Variants in MRAP2 observed in about 807,000 individuals in gnomAD.
MRAP2 encodes melanocortin-2 receptor accessory protein 2.
Under a neutral mutation model 17.4 loss-of-function variants are expected in MRAP2, and 20 were observed. The ratio of observed to expected loss-of-function variants is 1.15; its 90% CI spans 0.81 to 1.67. MRAP2 has a LOEUF of 1.67. Ranked by LOEUF, MRAP2 falls within the 40% of genes most tolerant of loss-of-function variation. The pLI, the probability that MRAP2 is intolerant of heterozygous loss-of-function variation, is 0.00. For missense variants in MRAP2, 238 were observed against 240.0 expected, an observed-to-expected ratio of 0.99 and a Z score of 0.05; for synonymous variants, 96 against 88.4, an observed-to-expected ratio of 1.09 and a Z score of -0.48.
the MRAP2 span, among the ~76,000 whole-genome samples, chr6:84,100,716 A>G: frequency 1.3e-5 from 2 of 152,202 alleles, no homozygotes; most frequent in Non-Finnish European, 2.9e-5. Context: ...CTCTCTTCAC[A>G]CTTCATAACA....
downstream of MRAP2, among the ~76,000 whole-genome samples, chr6:84,091,778 A>G (rs2099501823): frequency 6.6e-6 from 1 of 152,190 alleles, no homozygotes; most frequent in Non-Finnish European, 1.5e-5. Context: ...TCAGCTTGCC[A>G]TAGTCTCATG....
the MRAP2 span, among the ~76,000 whole-genome samples, chr6:84,134,521 G>A: frequency 1.3e-5 from 2 of 152,184 alleles, no homozygotes; most frequent in East Asian, 3.9e-4. Flanking sequence ...CGAAGACCTT[G>A]GGAAAAGCAT....
chr6:84,038,407 A>T (rs1429202129), intron 1 of MRAP2, among the ~76,000 whole-genome samples: 1 of 152,190 alleles, frequency 6.6e-6, no homozygotes, highest in African/African-American at 2.4e-5. Context: ...AATAGGGCAG[A>T]TTTGTGTTAT....
At chr6:84,105,583 T>A in the MRAP2 span, among the ~76,000 whole-genome samples, 29 of 152,080 alleles carry the variant, frequency 1.9e-4, no homozygotes, top group Non-Finnish European at 4.3e-4. Flanking sequence ...TTGGGTGGGG[T>A]CACAGCCAAA....
the MRAP2 span, among the ~76,000 whole-genome samples, chr6:84,138,435 G>T: frequency 9.9e-5 from 15 of 152,172 alleles, no homozygotes; most frequent in African/African-American, 2.9e-4. Flanking sequence ...CCACCACCCT[G>T]AGAGGAAATG....
intron 1 of MRAP2, among the ~76,000 whole-genome samples, chr6:84,050,260 C>G (rs1289889273): frequency 1.3e-5 from 2 of 152,126 alleles, no homozygotes. Context: ...TTCACGCAGA[C>G]TCTATAAAAA....
At chr6:84,033,703 C>G (rs993587573), upstream of MRAP2, 7 of 985,172 alleles carry the variant, frequency 7.1e-6, no homozygotes, top group East Asian at 4.5e-4. Flanking sequence ...AGCCCTGCTC[C>G]GGCGCCCCGC....
intron 3 of MRAP2, among the ~76,000 whole-genome samples, chr6:84,081,015 C>A (rs1476457524): frequency 1.3e-5 from 2 of 152,100 alleles, no homozygotes; most frequent in Non-Finnish European, 2.9e-5. Context: ...TAATATAGAG[C>A]AATTTTATTA....
At chr6:84,110,992 T>C in the MRAP2 span, among the ~76,000 whole-genome samples, 1 of 152,218 alleles carries the variant, frequency 6.6e-6, no homozygotes, top group Non-Finnish European at 1.5e-5. Context: ...TATGCTGTTT[T>C]GGTTACTGTA....
chr6:84,040,140 A>C (rs1001609697), intron 1 of MRAP2, among the ~76,000 whole-genome samples: 1 of 152,114 alleles, frequency 6.6e-6, no homozygotes, highest in African/African-American at 2.4e-5. Context: ...GGTTGCCTTC[A>C]TGAGTTTTCA....
At chr6:84,036,937 G>A (rs949603443) in intron 1 of MRAP2, among the ~76,000 whole-genome samples, 1 of 151,802 alleles carries the variant, frequency 6.6e-6, no homozygotes, top group South Asian at 2.1e-4. Flanking sequence ...AGCACTGATT[G>A]GTGCATTTAC....
intron 3 of MRAP2, among the ~76,000 whole-genome samples, chr6:84,066,627 C>G (rs577644779): frequency 1.7e-3 from 263 of 152,242 alleles, no homozygotes; most frequent in African/African-American, 6.0e-3. Flanking sequence ...CCAGGGTCAA[C>G]TAATTACTTT....
chr6:84,126,397 C>G, the MRAP2 span: 1 of 1,598,634 alleles, frequency 6.3e-7, no homozygotes, highest in Non-Finnish European at 8.5e-7. Context: ...TTCCTGTTCT[C>G]TTTGTGCATG....
At chr6:84,133,356 C>A in the MRAP2 span, among the ~76,000 whole-genome samples, 1 of 151,618 alleles carries the variant, frequency 6.6e-6, no homozygotes, top group Admixed American at 6.6e-5. Flanking sequence ...TCTCAAACTC[C>A]ATGCTGGGAG....
At chr6:84,070,723 T>G (rs1012717264) in intron 3 of MRAP2, among the ~76,000 whole-genome samples, 2 of 152,194 alleles carry the variant, frequency 1.3e-5, no homozygotes, top group African/African-American at 4.8e-5. Context: ...CTATAAGTAA[T>G]TGTTTTATAA....
At chr6:84,037,526 G>A (rs1209751367) in intron 1 of MRAP2, among the ~76,000 whole-genome samples, 1 of 152,210 alleles carries the variant, frequency 6.6e-6, no homozygotes, top group Non-Finnish European at 1.5e-5. Flanking sequence ...CATGGAGCAG[G>A]GGGCGGCGCC....
At chr6:84,110,299 G>T in the MRAP2 span, among the ~76,000 whole-genome samples, 1 of 152,134 alleles carries the variant, frequency 6.6e-6, no homozygotes, top group Non-Finnish European at 1.5e-5. Context: ...CCATGAGATG[G>T]TATCTCATTG....
the MRAP2 span, among the ~76,000 whole-genome samples, chr6:84,129,618 T>A: frequency 6.6e-6 from 1 of 152,216 alleles, no homozygotes; most frequent in African/African-American, 2.4e-5. Context: ...AAAAATTTTC[T>A]GCCATTCTGT....
chr6:84,042,074 G>T (rs1295687676), intron 1 of MRAP2, among the ~76,000 whole-genome samples: 1 of 152,146 alleles, frequency 6.6e-6, no homozygotes, highest in Non-Finnish European at 1.5e-5. Context: ...GGAGGTAATT[G>T]AATCATGGGG....
Sources: allele counts gnomAD v4.1 joint callset (sites outside exome capture counted in the v4.1 genomes callset), GRCh38; gene constraint gnomAD v4.1.1; transcripts MANE v1.5; gene names NCBI Gene and HGNC (gene_info 2026-07-23, HGNC 2026-07-21).